CDHR4: variants seen among roughly 807,000 people sequenced by gnomAD.
CDHR4 encodes cadherin-related family member 4.
CDHR4 carries 89 observed loss-of-function variants against 88.4 expected under a neutral mutation model. The ratio of observed to expected loss-of-function variants is 1.01; its 90% confidence interval spans 0.85 to 1.20. CDHR4 has a LOEUF of 1.20. CDHR4 is among the 50% of genes most tolerant of loss of function. CDHR4 has a pLI of 0.00. For synonymous variants in CDHR4, 368 were observed against 399.2 expected, an observed-to-expected ratio of 0.92 and a Z score of 0.93; for missense variants, 914 against 1,007.2, an observed-to-expected ratio of 0.91 and a Z score of 1.25.
At position 49,795,269 on chromosome 3, in the gene CDHR4, C is replaced by T. The variant is rs768633891; in HGVS notation, c.958G>A (p.Ala320Thr). The change falls in exon 8 of 19, where the codon GCC (alanine) becomes ACC (threonine). Residue 320 changes from alanine (A) to threonine (T), a missense_variant. Coordinates refer to ENST00000412678, the MANE Select transcript of CDHR4 (RefSeq NM_001007540.4). The surrounding 1 kb of genome is among the most constrained non-coding windows in gnomAD (Gnocchi z 5.4). The part of the protein sequence containing the change: ...AFEQGQLWAS[A>T]KLNLTMNVQL... ...ACATTCATGGTGAGATTGAGCTTGGCACTGGCCCACAGCTGGCCCTGCTCA... is the reference window on the plus strand; with the variant it reads ...ACATTCATGGTGAGATTGAGCTTGGTACTGGCCCACAGCTGGCCCTGCTCA... 3 of 1,551,554 alleles carry T rather than the reference C, an allele frequency of 1.9e-6. No homozygotes were observed. The highest frequency in any genetic ancestry group is 1.2e-5 in the South Asian group (1 of 84,070).
At position 49,795,752 on chromosome 3, in the gene CDHR4, C is replaced by G. The variant is rs1342838344; in HGVS notation, c.723G>C (p.Gln241His). 4 of 1,551,690 alleles carry G rather than the reference C, an allele frequency of 2.6e-6. No individual in the cohort carries two copies. The part of the protein sequence containing the change: ...SSQVSFLEQA[Q>H]NITIPENLAP... ...CCAGATTCTCAGGGATGGTGATATTCTGAGCCTGCTCGCTGGACCAAAAGG... is the reference window on the plus strand; with the variant it reads ...CCAGATTCTCAGGGATGGTGATATTGTGAGCCTGCTCGCTGGACCAAAAGG... Residue 241 changes from glutamine to histidine, a missense_variant, in exon 7 of 19, where the codon CAG becomes CAC. Gln to His is a conservative substitution (Grantham distance 24). Transcript: ENST00000412678. This position sits in a 1 kb window ranked among gnomAD's most constrained non-coding sequence, Gnocchi z 5.4.
At chr3:49,796,846 C>A in intron 5 of CDHR4, 76 bp downstream of exon 5, 1 of 1,213,672 alleles carries the variant, frequency 8.2e-7, no homozygotes, top group Non-Finnish European at 1.2e-6. Context: ...CCAAGGAGGC[C>A]AAGAATAAAC....
Position 49,795,619 on chromosome 3 carries a change from A to ACCTC in CDHR4, c.847+5_847+8dup. ...CCAGTACCTGCCCCCACCCCCCAAC[A>ACCTC]CCTCTCACCACGACCAATGGAGAAG... is the stretch of plus-strand genomic sequence containing the variant. On this transcript the variant is annotated intron_variant, in intron 7 of 18. Transcript: ENST00000412678. This position sits in a 1 kb window ranked among gnomAD's most constrained non-coding sequence, Gnocchi z 5.4. 6.4e-7 allele frequency: 1 copy of ACCTC among 1,551,082 alleles called. No individual in the cohort carries two copies. The highest frequency in any genetic ancestry group is 8.7e-7 in the Non-Finnish European group (1 of 1,146,846).
intron 5 of CDHR4, among the ~76,000 whole-genome samples, chr3:49,796,618 G>A (rs1218395392): frequency 1.3e-5 from 2 of 152,180 alleles, no homozygotes; most frequent in Admixed American, 6.6e-5. Flanking sequence ...GATTATGTGG[G>A]TGAGCCACTG....
Position 49,795,781 on chromosome 3 carries a change from G to A in CDHR4, c.711-17C>T, listed in dbSNP as rs1186218930. 3 of 1,551,586 alleles carry A rather than the reference G, an allele frequency of 1.9e-6. No individual in the cohort carries two copies. The highest frequency in any genetic ancestry group is 1.4e-5 in the African/African-American group (1 of 73,162). On this transcript the variant is annotated splice_polypyrimidine_tract_variant and intron_variant, in intron 6 of 18. Transcript: ENST00000412678. The surrounding 1 kb of genome is among the most constrained non-coding windows in gnomAD (Gnocchi z 5.4). ...GCCTGCTCGCTGGACCAAAAGGGGG[G>A]CACTGGTTCCTGCCCATTCCTGCTC...
In CDHR4 at chr3:49,792,941, G is replaced by C. The variant is rs1403738702; in HGVS notation, c.1908C>G (p.Thr636=). 4 of 1,551,556 alleles carry C rather than the reference G, an allele frequency of 2.6e-6. No individual in the cohort carries two copies. The highest frequency in any genetic ancestry group is 1.4e-5 in the African/African-American group (1 of 73,032). Residue 636 remains threonine, a synonymous_variant, in exon 14 of 19, where the codon ACC becomes ACG. Transcript: ENST00000412678. ...LICVADAGPS[T]PHLSTTATII... ...TGGTGGCTGTGGTGCTGAGGTGGGG[G>C]GTGGAGGGGCCTGCATCGGCCACAC...
chr3:49,793,571 G>A lies in CDHR4; in HGVS notation c.1623+12C>T, dbSNP rs912697719. The A allele has an allele frequency of 9.7e-6, 15 of 1,551,576 alleles. No homozygotes were observed. The highest frequency in any genetic ancestry group is 1.3e-5 in the Non-Finnish European group (15 of 1,146,916). On this transcript the variant is annotated intron_variant, in intron 12 of 18. Transcript: ENST00000412678. ...CCAAGTATTTATTTCCAAAGCCTTAGGACGCAATTACCTCAACCTCGATGG... is the reference window on the plus strand; with the variant it reads ...CCAAGTATTTATTTCCAAAGCCTTAAGACGCAATTACCTCAACCTCGATGG...
chr3:49,793,081 G>A lies in CDHR4; in HGVS notation c.1775-7C>T, dbSNP rs2081206647. On this transcript the variant is annotated splice_region_variant and splice_polypyrimidine_tract_variant and intron_variant, in intron 13 of 18. Transcript: ENST00000412678. ...AATCGGTTCTGGCTATTCCCTGAAAGCAGAATGACAGGAGGAAGAGACCAT... is the reference window on the plus strand; with the variant it reads ...AATCGGTTCTGGCTATTCCCTGAAAACAGAATGACAGGAGGAAGAGACCAT... The A allele has an allele frequency of 1.3e-6, 2 of 1,551,318 alleles. No individual in the cohort carries two copies. The highest frequency in any genetic ancestry group is 1.7e-6 in the Non-Finnish European group (2 of 1,146,928).
upstream of CDHR4, among the ~76,000 whole-genome samples, chr3:49,801,769 TGA>T (rs897341519): frequency 6.6e-6 from 1 of 152,236 alleles, no homozygotes; most frequent in Non-Finnish European, 1.5e-5. Flanking sequence ...TACCCCAAAG[TGA>T]CCCCCTTCAG....
chr3:49,793,836 C>A lies in CDHR4; in HGVS notation c.1450G>T (p.Gly484Cys). The change falls in exon 11 of 19, where the codon GGT (glycine) becomes TGT (cysteine). Residue 484 changes from glycine (G) to cysteine (C), a missense_variant. By Grantham distance (159) the Gly-to-Cys change is radical. Coordinates refer to ENST00000412678, the MANE Select transcript of CDHR4 (RefSeq NM_001007540.4). ...CGGTCCACAGCAAAGGTGGTAGGAC[C>A]ACCAGAGGTGTAGTACTCAATGTTG... ...HDNIEYYTSG[G>C]PTTFAVDRLS... is the part of the protein sequence containing the mutation. The A allele has an allele frequency of 1.9e-6, 3 of 1,551,760 alleles. No individual in the cohort carries two copies. Among genetic ancestry groups the A allele is most frequent in the Non-Finnish European group, 1.7e-6 (2 of 1,146,994 alleles).
intron 14 of CDHR4, 33 bp downstream of exon 14, chr3:49,792,821 C>G (rs2081201147): frequency 6.6e-7 from 1 of 1,505,502 alleles, no homozygotes; most frequent in Non-Finnish European, 8.9e-7. Context: ...TCCACCCTTC[C>G]CACCCTGCTG....
chr3:49,801,286 T>C (rs923980914), upstream of CDHR4, among the ~76,000 whole-genome samples: 4 of 152,234 alleles, frequency 2.6e-5, no homozygotes, highest in Admixed American at 6.5e-5. Context: ...CTCAGATTTC[T>C]CCTGGCTGTT....
At chr3:49,794,509 T>C (rs2081236925) in intron 10 of CDHR4, 99 bp downstream of exon 10, 2 of 955,658 alleles carry the variant, frequency 2.1e-6, no homozygotes. Flanking sequence ...CCTGCCCTAC[T>C]GGATTCTGAA....
At position 49,795,937 on chromosome 3, in the gene CDHR4, C is replaced by A. The variant is rs186898881; in HGVS notation, c.710+6G>T. On this transcript the variant is annotated splice_donor_region_variant and intron_variant, in intron 6 of 18. Coordinates refer to ENST00000412678, the MANE Select transcript of CDHR4 (RefSeq NM_001007540.4). The surrounding 1 kb of genome is among the most constrained non-coding windows in gnomAD (Gnocchi z 5.4). ...CCCTCACTGTTCCAGGGTAGGGGAG[C>A]CTTACAGGAAGGAGACCTGGCTGGA... is the stretch of plus-strand genomic sequence containing the variant. 8.5e-6 allele frequency: 13 copies of A among 1,533,190 alleles called. No homozygotes were observed. Among genetic ancestry groups the A allele is most frequent in the Admixed American group, 2.1e-5 (1 of 48,552 alleles). 95.0% of individuals were successfully genotyped at this position (1,533,190 alleles called of 1,614,324 possible). A position where few individuals can be genotyped will look rare whatever the true frequency, so the allele number is the denominator to read the frequency against.
chr3:49,791,497 A>T (rs1286152815), intron 17 of CDHR4, 29 bp from the exon 18 acceptor site: 1 of 1,542,794 alleles, frequency 6.5e-7, no homozygotes, highest in Non-Finnish European at 8.7e-7. Flanking sequence ...AAAAGATGCA[A>T]TGAATTGAAC....
rs2081165914 is a variant in CDHR4 at position 49,790,852 on chromosome 3, C to G, written c.2347G>C (p.Gly783Arg). 3.9e-6 allele frequency: 6 copies of G among 1,551,320 alleles called. No homozygotes were observed. The highest frequency in any genetic ancestry group is 5.2e-6 in the Non-Finnish European group (6 of 1,146,752). ...GRDYLFNTHT[G>R]ARRWL ...TGGCCTCAGAGCCAGCGCCGGGCTC[C>G]TGTGTGTGTGTTAAACAGGTAGTCT... Residue 783 changes from glycine to arginine, a missense_variant, in exon 19 of 19, where the codon GGA (glycine) becomes CGA (arginine). By Grantham distance (125) the Gly-to-Arg change is moderately radical. Coordinates refer to ENST00000412678, the MANE Select transcript of CDHR4 (RefSeq NM_001007540.4).
rs1289798300 is a variant in CDHR4, at chr3:49,792,007, T to C, written c.2139-48A>G. ...GAAGCAGTGAGGGCAGCAGGCCTAC[T>C]GGCTCCAGGAATCAGCACCATTCAC... On this transcript the variant is annotated intron_variant, in intron 15 of 18. Coordinates refer to ENST00000412678, the MANE Select transcript of CDHR4 (RefSeq NM_001007540.4). 2.6e-6 allele frequency: 4 copies of C among 1,534,118 alleles called. No homozygotes were observed. In the South Asian group the frequency reaches 4.8e-5, roughly 18 times the overall value.
At chr3:49,798,286 T>C (rs1305851133) in intron 4 of CDHR4, 1 of 152,570 alleles carries the variant, frequency 6.6e-6, no homozygotes, top group African/African-American at 2.4e-5. Flanking sequence ...ATAGCAGATC[T>C]TGAAAGAACT....
At chr3:49,802,788 G>A (rs910034045), upstream of CDHR4, among the ~76,000 whole-genome samples, 9 of 152,202 alleles carry the variant, frequency 5.9e-5, no homozygotes, top group African/African-American at 2.2e-4. Context: ...CCCCGCCGGT[G>A]CGCTGCCACA....
Sources: allele counts gnomAD v4.1 joint callset (sites outside exome capture counted in the v4.1 genomes callset), GRCh38; gene constraint gnomAD v4.1.1; non-coding constraint Gnocchi (gnomAD v3.1); transcripts MANE v1.5; gene names NCBI Gene and HGNC (gene_info 2026-07-23, HGNC 2026-07-21).